Variants in RASSF3 observed in about 807,000 individuals in gnomAD.
The protein encoded by RASSF3 is ras association domain-containing protein 3.
A neutral mutation model predicts 19.9 loss-of-function variants in RASSF3; 19 were observed. The observed-to-expected ratio is 0.96, with a 90% CI of 0.67 to 1.40. The LOEUF is 1.40. Ranked by LOEUF, RASSF3 falls within the 40% of genes most tolerant of loss-of-function variation. The pLI is 0.00. For synonymous variants in RASSF3, 110 were observed against 104.2 expected (o/e 1.06, Z -0.34); for missense variants, 306 against 289.8 (o/e 1.06, Z -0.41).
chr12:64,669,989 T>C (rs1002322131), intron 1 of RASSF3, among the ~76,000 whole-genome samples: 3 of 150,946 alleles, frequency 2.0e-5, no homozygotes, highest in Admixed American at 6.6e-5. Context: ...GAGTAATGTT[T>C]AAAAACCACC....
chr12:64,520,801 GC>G (rs1352207029), intron 1 of RASSF3, among the ~76,000 whole-genome samples: 1 of 152,010 alleles, frequency 6.6e-6, no homozygotes. Flanking sequence ...TGTTGGTACA[GC>G]CCCTGGGGAG....
At chr12:64,690,620 C>T (rs1195906875) in intron 3 of RASSF3, among the ~76,000 whole-genome samples, 4 of 151,938 alleles carry the variant, frequency 2.6e-5, no homozygotes, top group South Asian at 2.1e-4. Flanking sequence ...GGACTATAGG[C>T]GGGCCCCATT....
chr12:64,649,643 C>T (rs1182866988), intron 1 of RASSF3, among the ~76,000 whole-genome samples: 3 of 152,142 alleles, frequency 2.0e-5, no homozygotes, highest in Non-Finnish European at 2.9e-5. Flanking sequence ...AAAATCATGC[C>T]GTCTCGATAG....
At chr12:64,606,203 T>G (rs138675937), upstream of RASSF3, among the ~76,000 whole-genome samples, 10 of 152,322 alleles carry the variant, frequency 6.6e-5, no homozygotes, top group East Asian at 1.9e-3. Flanking sequence ...GACCTGTCCA[T>G]GCCTAAAGCA....
intron 1 of RASSF3, among the ~76,000 whole-genome samples, chr12:64,625,260 T>C (rs1018786310): frequency 2.6e-4 from 40 of 152,124 alleles, no homozygotes; most frequent in African/African-American, 9.2e-4. Flanking sequence ...CATATCACTG[T>C]GGTGCCTTTG....
At chr12:64,568,277 C>A (rs751016089) in intron 2 of RASSF3, among the ~76,000 whole-genome samples, 2 of 152,214 alleles carry the variant, frequency 1.3e-5, no homozygotes, top group African/African-American at 2.4e-5. Context: ...AGATGATCCA[C>A]CTGCCTTGGC....
chr12:64,613,830 C>G (rs1461136088), intron 1 of RASSF3, among the ~76,000 whole-genome samples: 1 of 151,960 alleles, frequency 6.6e-6, no homozygotes, highest in Non-Finnish European at 1.5e-5. Flanking sequence ...CGCCTGTAGT[C>G]CCAGCTACTC....
chr12:64,622,216 AT>A (rs35037944), intron 1 of RASSF3, among the ~76,000 whole-genome samples: 2,423 of 134,456 alleles, frequency 0.018, 56 homozygotes, highest in African/African-American at 0.056. Flanking sequence ...ATGTCCAGCT[AT>A]TTTTTTTTTT....
At chr12:64,648,221 C>T (rs551360635) in intron 1 of RASSF3, among the ~76,000 whole-genome samples, 2 of 152,304 alleles carry the variant, frequency 1.3e-5, no homozygotes, top group East Asian at 3.9e-4. Context: ...TGGACCAGGT[C>T]AGGGAGACTC....
intron 1 of RASSF3, among the ~76,000 whole-genome samples, chr12:64,533,953 G>A (rs1868769118): frequency 1.3e-5 from 2 of 152,280 alleles, no homozygotes; most frequent in Non-Finnish European, 1.5e-5. Flanking sequence ...TCTAAGTAAA[G>A]CTTTAACAGA....
intron 2 of RASSF3, among the ~76,000 whole-genome samples, chr12:64,566,650 A>G (rs1011592458): frequency 3.3e-5 from 5 of 152,188 alleles, no homozygotes; most frequent in African/African-American, 1.2e-4. Flanking sequence ...TCTAAAATGA[A>G]TATGAACTGA....
intron 2 of RASSF3, among the ~76,000 whole-genome samples, chr12:64,594,249 G>A (rs1030593088): frequency 1.3e-5 from 2 of 151,848 alleles, no homozygotes; most frequent in African/African-American, 4.8e-5. Flanking sequence ...TGGAAGGATT[G>A]CTTGAGCCCA....
intron 1 of RASSF3, among the ~76,000 whole-genome samples, chr12:64,658,176 A>T (rs1833423824): frequency 6.6e-6 from 1 of 152,190 alleles, no homozygotes; most frequent in Non-Finnish European, 1.5e-5. Context: ...AAGTAGTAAA[A>T]TCAACACGTG....
intron 1 of RASSF3, among the ~76,000 whole-genome samples, chr12:64,638,126 G>A (rs11175484): frequency 0.28 from 43,111 of 151,822 alleles, 6,658 homozygotes; most frequent in Non-Finnish European, 0.36. Context: ...CTACGCCCCC[G>A]GCCTAGTTAT....
At chr12:64,570,698 T>A (rs770622252) in intron 2 of RASSF3, among the ~76,000 whole-genome samples, 56 of 152,190 alleles carry the variant, frequency 3.7e-4, no homozygotes, top group Admixed American at 9.8e-4. Context: ...CCCCACCCCA[T>A]CCCTCCTATC....
intron 2 of RASSF3, among the ~76,000 whole-genome samples, chr12:64,578,816 C>T (rs895754098): frequency 1.3e-5 from 2 of 152,172 alleles, no homozygotes; most frequent in African/African-American, 2.4e-5. Context: ...CAACTGCCTC[C>T]GTCAGCCAGC....
At position 64,697,421 on chromosome 12, in the gene RASSF3, A is replaced by G. The variant is rs1187842188; in HGVS notation, c.*2509A>G. On this transcript the variant is annotated 3_prime_UTR_variant, in exon 5 of 5. Coordinates refer to ENST00000542104, the MANE Select transcript of RASSF3 (RefSeq NM_178169.4). ...AAATGAAGGGGTGGTATTGCAGGAG[A>G]GCATTTTAAATGGCAGAAGTAAAAA... 6.6e-6 allele frequency: 1 copy of G among 152,190 alleles called. No homozygotes were observed. The highest frequency in any genetic ancestry group is 2.4e-5 in the African/African-American group (1 of 41,438). 9.4% of individuals were successfully genotyped at this position (152,190 alleles called of 1,614,324 possible).
At chr12:64,565,617 G>A (rs1246305806) in intron 2 of RASSF3, among the ~76,000 whole-genome samples, 1 of 152,198 alleles carries the variant, frequency 6.6e-6, no homozygotes, top group African/African-American at 2.4e-5. Context: ...GGGTTTCTGA[G>A]GCAGAAAAAT....
At chr12:64,620,960 G>A (rs1055517589) in intron 1 of RASSF3, among the ~76,000 whole-genome samples, 3 of 151,788 alleles carry the variant, frequency 2.0e-5, no homozygotes, top group South Asian at 4.2e-4. Flanking sequence ...TTTTTGAGGT[G>A]GAGTTTTACT....
Sources: allele counts gnomAD v4.1 joint callset (sites outside exome capture counted in the v4.1 genomes callset), GRCh38; gene constraint gnomAD v4.1.1; transcripts MANE v1.5; gene names NCBI Gene and HGNC (gene_info 2026-07-23, HGNC 2026-07-21).